MEI4: variants seen among roughly 807,000 people sequenced by gnomAD.
MEI4 encodes the protein meiotic double-stranded break formation protein 4.
Under a neutral mutation model 31.4 loss-of-function variants are expected in MEI4, and 27 were observed. That is an observed-to-expected ratio of 0.86 (90% CI 0.63 to 1.19). The LOEUF (loss-of-function observed/expected upper bound fraction) is 1.19. Among genes scored for constraint, MEI4 ranks in the 50% most tolerant of loss-of-function variants. MEI4 has a pLI of 0.00. For synonymous variants in MEI4, 122 were observed against 145.4 expected (o/e 0.84, Z 1.16); for missense variants, 329 against 398.9 (o/e 0.82, Z 1.49).
In MEI4 at chr6:77,767,388, G is replaced by GAATAAATA. The variant is rs550095694; in HGVS notation, c.768+5741_768+5748dup. On this transcript the variant is annotated intron_variant, in intron 3 of 4. Transcript: ENST00000684080. ...AGACTCCCTCAATAAATAAATAAAT[G>GAATAAATA]AATAAATAAATAAATAAATAAATAA... 3.4e-5 allele frequency among the ~76,000 whole-genome samples: 5 copies of GAATAAATA among 148,936 alleles called. No individual in the cohort carries two copies. The East Asian group carries it at 6.0e-4, about 18-fold the overall frequency.
At chr6:77,765,061 A>G (rs1425025641) in intron 3 of MEI4, among the ~76,000 whole-genome samples, 1 of 152,180 alleles carries the variant, frequency 6.6e-6, no homozygotes, top group East Asian at 1.9e-4. Flanking sequence ...AATAGCTCGA[A>G]TTAGAATTCT....
rs374761635 is a variant in MEI4, at chr6:77,858,133, CAG to C, written c.900+29076_900+29077del. 2.2e-4 allele frequency among the ~76,000 whole-genome samples: 33 copies of C among 152,218 alleles called. 1 individual carries two copies. The East Asian group carries it at 3.5e-3, about 16-fold the overall frequency. On this transcript the variant is annotated intron_variant, in intron 4 of 4. Coordinates refer to ENST00000684080, the MANE Select transcript of MEI4 (RefSeq NM_001322247.2). ...TTACACAATAGTTTCAGTTATCTAA[CAG>C]AGAGTAATTTGTTTAGGAATCTTTA...
intron 3 of MEI4, among the ~76,000 whole-genome samples, chr6:77,814,029 C>G (rs552516353): frequency 1.0e-3 from 159 of 152,156 alleles, no homozygotes; most frequent in Non-Finnish European, 1.2e-3. Flanking sequence ...TTCGTTGAAA[C>G]CTATTATCCA....
chr6:77,762,475 T>C (rs1462355419), intron 3 of MEI4, among the ~76,000 whole-genome samples: 1 of 152,176 alleles, frequency 6.6e-6, no homozygotes, highest in African/African-American at 2.4e-5. Context: ...TCCTCTTTAT[T>C]TGACTACCAA....
At chr6:77,700,071 C>G (rs747458648) in intron 2 of MEI4, among the ~76,000 whole-genome samples, 32 of 152,216 alleles carry the variant, frequency 2.1e-4, no homozygotes, top group South Asian at 8.3e-4. Flanking sequence ...GCAGTCTGCC[C>G]GTTCTCAGAT....
intron 3 of MEI4, among the ~76,000 whole-genome samples, chr6:77,801,740 G>C (rs958122652): frequency 5.3e-5 from 8 of 152,178 alleles, no homozygotes; most frequent in Non-Finnish European, 4.4e-5. Context: ...GTACCCAGTA[G>C]TTATTCAGGA....
At chr6:77,826,720 C>G (rs563280130) in intron 3 of MEI4, among the ~76,000 whole-genome samples, 1 of 152,092 alleles carries the variant, frequency 6.6e-6, no homozygotes, top group Non-Finnish European at 1.5e-5. Context: ...ATCCAGGGCT[C>G]TACCTAATAA....
intron 2 of MEI4, among the ~76,000 whole-genome samples, chr6:77,705,780 A>C (rs1481031180): frequency 6.6e-6 from 1 of 152,182 alleles, no homozygotes; most frequent in Non-Finnish European, 1.5e-5. Context: ...TTACAAAAAC[A>C]CTGTTTATGT....
intron 3 of MEI4, among the ~76,000 whole-genome samples, chr6:77,810,077 T>C (rs1388493817): frequency 6.6e-6 from 1 of 152,188 alleles, no homozygotes; most frequent in African/African-American, 2.4e-5. Context: ...TAAGTTGAAG[T>C]AAGCTAAATC....
chr6:77,676,991 A>G (rs537871294), intron 1 of MEI4, among the ~76,000 whole-genome samples: 2 of 152,300 alleles, frequency 1.3e-5, no homozygotes, highest in Non-Finnish European at 2.9e-5. Flanking sequence ...AATGATGAAC[A>G]TAGGCTTAGT....
chr6:77,804,887 G>A (rs1023120837), intron 3 of MEI4, among the ~76,000 whole-genome samples: 1 of 152,120 alleles, frequency 6.6e-6, no homozygotes, highest in Non-Finnish European at 1.5e-5. Context: ...TTAGTCACAT[G>A]TATGCTTATA....
At position 77,749,920 on chromosome 6, in the gene MEI4, C is replaced by T. The variant is rs143579763; in HGVS notation, c.233-11210C>T. 1.4e-3 allele frequency among the ~76,000 whole-genome samples: 213 copies of T among 152,288 alleles called. 1 individual carries two copies. Among genetic ancestry groups the T allele is most frequent in the African/African-American group, 4.5e-3 (187 of 41,560 alleles). On this transcript the variant is annotated intron_variant, in intron 2 of 4. Transcript: ENST00000684080. ...AGCCCACCAGACTAACAGCAGATCT[C>T]TCTGCAGAAATCCTACAAGCCAGAA...
chr6:77,779,448 T>C (rs562414857), intron 3 of MEI4, among the ~76,000 whole-genome samples: 5 of 152,336 alleles, frequency 3.3e-5, no homozygotes, highest in African/African-American at 1.2e-4. Context: ...CTGGCAGTCT[T>C]ATTATTACTT....
intron 2 of MEI4, among the ~76,000 whole-genome samples, chr6:77,755,142 A>G (rs942728554): frequency 3.3e-5 from 5 of 152,112 alleles, no homozygotes; most frequent in Admixed American, 2.0e-4. Flanking sequence ...TTTGAGACCA[A>G]CCTGGGCAAC....
intron 4 of MEI4, among the ~76,000 whole-genome samples, chr6:77,841,822 C>G (rs999831056): frequency 7.9e-5 from 12 of 151,898 alleles, no homozygotes; most frequent in African/African-American, 2.2e-4. Flanking sequence ...TATTTCTAAA[C>G]AAAGAACATC....
chr6:77,665,750 GAATTGA>G (rs1018709264), intron 1 of MEI4, among the ~76,000 whole-genome samples: 10 of 152,274 alleles, frequency 6.6e-5, no homozygotes, highest in African/African-American at 2.4e-4. Context: ...AAAATGAAAG[GAATTGA>G]AATTAAGAGA....
At chr6:77,828,661 C>T (rs9448230) in intron 3 of MEI4, among the ~76,000 whole-genome samples, 8,953 of 152,088 alleles carry the variant, frequency 0.059, 781 homozygotes, top group African/African-American at 0.19. Flanking sequence ...CTGTATATAG[C>T]CTATTATCTA....
intron 4 of MEI4, among the ~76,000 whole-genome samples, chr6:77,860,331 C>T (rs1770837025): frequency 6.6e-6 from 1 of 152,138 alleles, no homozygotes; most frequent in African/African-American, 2.4e-5. Context: ...AAATCTGTTA[C>T]TTAACTTGTT....
chr6:77,654,244 A>C (rs1240331446), intron 1 of MEI4, among the ~76,000 whole-genome samples: 1 of 152,176 alleles, frequency 6.6e-6, no homozygotes, highest in East Asian at 1.9e-4. Context: ...GATGGCTAAA[A>C]GCTCCATAAA....
Sources: gnomAD v4.1 joint callset for allele counts (sites outside exome capture counted in the v4.1 genomes callset) on GRCh38, gnomAD v4.1.1 for gene constraint, MANE v1.5 for transcripts, NCBI Gene and HGNC (gene_info 2026-07-23, HGNC 2026-07-21) for gene names.